The following TPO variants were observed in gnomAD, a reference collection of about 807,000 sequenced individuals.
The protein encoded by TPO is thyroid peroxidase.
A neutral mutation model predicts 96.9 loss-of-function variants in TPO; 78 were observed. The observed-to-expected ratio is 0.81, with a 90% CI of 0.67 to 0.97. TPO has a LOEUF of 0.97. TPO is among the 50% of genes least tolerant of loss of function. TPO has a pLI of 0.00. For synonymous variants in TPO, 547 were observed against 538.0 expected (o/e 1.02, Z -0.23); for missense variants, 1,252 against 1,274.8 (o/e 0.98, Z 0.27).
chr2:1,508,311 A>G (rs1673697229), intron 14 of TPO, among the ~76,000 whole-genome samples: 1 of 152,124 alleles, frequency 6.6e-6, no homozygotes, highest in South Asian at 2.1e-4. Context: ...GGATTTTTGC[A>G]TCAATGTTCA....
chr2:1,477,291 A>G lies in TPO; in HGVS notation c.1025A>G (p.Asn342Ser), dbSNP rs763526066. ...SSPALERQLRNWTSAEGLLRV... is the reference protein window; with the variant it reads ...SSPALERQLRSWTSAEGLLRV... Reference sequence around the variant, plus strand: ...CCGGCCCTAGAGAGGCAGCTGCGGAACTGGACCAGTGCCGAAGGGCTGCTC... The same window carrying G: ...CCGGCCCTAGAGAGGCAGCTGCGGAGCTGGACCAGTGCCGAAGGGCTGCTC... Residue 342 changes from asparagine to serine, a missense_variant, in exon 8 of 17, where the codon AAC becomes AGC. Physicochemically the swap from Asn to Ser is conservative, Grantham distance 46 (BLOSUM62 1). Coordinates refer to ENST00000329066, the MANE Select transcript of TPO (RefSeq NM_001206744.2). 77 of 1,592,958 alleles carry G rather than the reference A, an allele frequency of 4.8e-5. No individual in the cohort carries two copies. The highest frequency in any genetic ancestry group is 6.4e-5 in the Non-Finnish European group (75 of 1,171,458).
intron 16 of TPO, chr2:1,542,121 C>T: frequency 1.9e-6 from 1 of 518,892 alleles, no homozygotes; most frequent in Non-Finnish European, 3.5e-6. Flanking sequence ...TCTGTGGTCG[C>T]AGGGACCTGT....
chr2:1,463,798 A>G (rs547824813), intron 7 of TPO, among the ~76,000 whole-genome samples: 1 of 152,350 alleles, frequency 6.6e-6, no homozygotes, highest in South Asian at 2.1e-4. Context: ...GAATGTATCG[A>G]CAACCTCAAA....
chr2:1,491,179 C>G (rs988123713), intron 10 of TPO, among the ~76,000 whole-genome samples: 15 of 151,416 alleles, frequency 9.9e-5, no homozygotes, highest in Admixed American at 3.3e-4. Flanking sequence ...AAAAAAAAAC[C>G]AAAAAAACAC....
chr2:1,438,609 C>T (rs76046082), intron 5 of TPO, among the ~76,000 whole-genome samples: 31 of 150,268 alleles, frequency 2.1e-4, no homozygotes, highest in African/African-American at 6.2e-4. Flanking sequence ...CCCTCCTCCA[C>T]GTCAGGGGGA....
At chr2:1,432,909 A>C (rs572153072) in intron 3 of TPO, among the ~76,000 whole-genome samples, 4 of 152,030 alleles carry the variant, frequency 2.6e-5, no homozygotes, top group Non-Finnish European at 5.9e-5. Context: ...TTCTTATTCT[A>C]TGAGGGTGTG....
At chr2:1,465,315 T>C (rs1428759323) in intron 7 of TPO, among the ~76,000 whole-genome samples, 1 of 152,228 alleles carries the variant, frequency 6.6e-6, no homozygotes, top group African/African-American at 2.4e-5. Context: ...TATAGTATAG[T>C]TTGAAATCAG....
chr2:1,528,927 AC>A lies in TPO; in HGVS notation c.2619-11662del, dbSNP rs574778674. Among the ~76,000 whole-genome samples, 115 of 113,956 alleles carry A rather than the reference AC, an allele frequency of 1.0e-3. 6 individuals carry two copies. The highest frequency in any genetic ancestry group is 4.1e-3 in the African/African-American group (113 of 27,246). 74.8% of individuals were successfully genotyped at this position (113,956 alleles called of 152,430 possible). A position where few individuals can be genotyped will look rare whatever the true frequency, so the allele number is the denominator to read the frequency against. ...CTCCTCACGTCCCCCACTGTGTGCA[AC>A]CCCCACAAATCCTCCCAGTGTGCGC... On this transcript the variant is annotated intron_variant, in intron 15 of 16. Transcript: ENST00000329066.
chr2:1,534,154 C>G (rs1409117251), intron 15 of TPO, among the ~76,000 whole-genome samples: 2 of 59,378 alleles, frequency 3.4e-5, no homozygotes, highest in Non-Finnish European at 6.9e-5. Context: ...TGCAACCTCC[C>G]AAATCCCCCC....
intron 5 of TPO, among the ~76,000 whole-genome samples, chr2:1,453,404 C>T (rs970020690): frequency 6.6e-5 from 10 of 152,300 alleles, no homozygotes; most frequent in Middle Eastern, 3.4e-3. Flanking sequence ...GACCCTCCTT[C>T]GGAAAACAGG....
chr2:1,525,956 ACAACCTTCCCAAATCTCCCCACTGTGAG>A, intron 15 of TPO, among the ~76,000 whole-genome samples: 1 of 50,860 alleles, frequency 2.0e-5, no homozygotes, highest in East Asian at 6.8e-4. Context: ...CCGACTGTTT[ACAACCTTCCCAAATCTCCCCACTGTGAG>A]CAACCTCCCC....
intron 10 of TPO, among the ~76,000 whole-genome samples, chr2:1,489,719 C>T (rs923377629): frequency 2.6e-5 from 4 of 152,176 alleles, no homozygotes; most frequent in African/African-American, 9.7e-5. Context: ...GACAGAAGGG[C>T]CTAGCGGGAA....
chr2:1,403,649 T>C (rs1472537689), intron 1 of TPO, among the ~76,000 whole-genome samples: 1 of 152,194 alleles, frequency 6.6e-6, no homozygotes, highest in Non-Finnish European at 1.5e-5. Context: ...CCATGTGAAC[T>C]TCAGGACGCT....
chr2:1,540,456 G>A (rs968069629), intron 15 of TPO, 138 bp from the exon 16 acceptor site: 1 of 1,580,822 alleles, frequency 6.3e-7, no homozygotes, highest in Non-Finnish European at 8.6e-7. Flanking sequence ...CTTGACTGAA[G>A]TGTGAAATGA....
chr2:1,469,759 T>C (rs762239145), intron 7 of TPO, among the ~76,000 whole-genome samples: 1 of 152,192 alleles, frequency 6.6e-6, no homozygotes, highest in African/African-American at 2.4e-5. Context: ...GGGGTGCATG[T>C]TCAGGGTGGA....
intron 1 of TPO, among the ~76,000 whole-genome samples, chr2:1,378,950 G>A (rs1323389096): frequency 2.0e-5 from 3 of 152,208 alleles, no homozygotes; most frequent in African/African-American, 4.8e-5. Flanking sequence ...ACACCATTGA[G>A]TGGATCAGTT....
At chr2:1,464,343 G>A (rs1438953184) in intron 7 of TPO, among the ~76,000 whole-genome samples, 1 of 152,150 alleles carries the variant, frequency 6.6e-6, no homozygotes, top group Non-Finnish European at 1.5e-5. Context: ...ATTGTGAATT[G>A]TGCGGCTATA....
At chr2:1,512,523 T>C (rs1008654312) in intron 14 of TPO, 25 of 973,586 alleles carry the variant, frequency 2.6e-5, no homozygotes, top group Non-Finnish European at 2.9e-5. Context: ...CATGGTGCTG[T>C]CCCTGCCCCG....
At chr2:1,432,396 C>T (rs947407981) in intron 3 of TPO, among the ~76,000 whole-genome samples, 8 of 152,244 alleles carry the variant, frequency 5.3e-5, no homozygotes, top group African/African-American at 1.7e-4. Context: ...GTTGTGAAAC[C>T]TTGGATTGGT....
Sources: allele counts gnomAD v4.1 joint callset (sites outside exome capture counted in the v4.1 genomes callset), GRCh38; gene constraint gnomAD v4.1.1; transcripts MANE v1.5; gene names NCBI Gene and HGNC (gene_info 2026-07-23, HGNC 2026-07-21).